Variants in LRRC37A2 observed in about 807,000 individuals in gnomAD.
LRRC37A2 encodes leucine-rich repeat-containing protein 37A2.
A neutral mutation model predicts 68.8 loss-of-function variants in LRRC37A2; 9 were observed. The ratio of observed to expected loss-of-function variants is 0.13; its 90% CI spans 0.08 to 0.23. The LOEUF (loss-of-function observed/expected upper bound fraction) is 0.23, where lower values mean the gene tolerates loss of function less well. Among genes scored for constraint, LRRC37A2 ranks in the 10% least tolerant of loss-of-function variants. LRRC37A2 has a pLI of 1.00. For missense variants in LRRC37A2, 168 were observed against 950.4 expected, an observed-to-expected ratio of 0.18 and a Z score of 10.82; for synonymous variants, 63 against 367.6, an observed-to-expected ratio of 0.17 and a Z score of 9.48.
chr17:46,917,724 G>T, the LRRC37A2 span, among the ~76,000 whole-genome samples: 1 of 152,184 alleles, frequency 6.6e-6, no homozygotes. Flanking sequence ...GCCCTAGTGG[G>T]GACTCTCTGC....
At chr17:46,818,909 C>A in the LRRC37A2 span, 1 of 451,858 alleles carries the variant, frequency 2.2e-6, no homozygotes, top group Non-Finnish European at 4.0e-6. Context: ...CAAACTTGGG[C>A]AAAGCCCGCG....
chr17:46,709,684 G>T, the LRRC37A2 span, among the ~76,000 whole-genome samples: 54 of 151,986 alleles, frequency 3.6e-4, no homozygotes, highest in East Asian at 0.01. Context: ...TAGTATAGAT[G>T]GGGTTTCACC....
the LRRC37A2 span, among the ~76,000 whole-genome samples, chr17:46,977,828 G>T: frequency 3.3e-5 from 5 of 152,156 alleles, no homozygotes; most frequent in Non-Finnish European, 5.9e-5. Context: ...AATTTTCCTT[G>T]TTCACATTTT....
the LRRC37A2 span, among the ~76,000 whole-genome samples, chr17:46,876,053 G>A: frequency 1.9e-4 from 29 of 152,300 alleles, no homozygotes; most frequent in East Asian, 5.6e-3. Context: ...GTGTGAACTG[G>A]GACTGCTGTG....
chr17:46,956,277 CTTTTTTTTTTT>C, the LRRC37A2 span, among the ~76,000 whole-genome samples: 253 of 62,654 alleles, frequency 4.0e-3, 3 homozygotes, highest in African/African-American at 0.015. Context: ...CTTGCCAGTC[CTTTTTTTTTTT>C]TTTTTTTTTT....
chr17:46,925,439 G>A, the LRRC37A2 span, among the ~76,000 whole-genome samples: 1 of 152,206 alleles, frequency 6.6e-6, no homozygotes, highest in Non-Finnish European at 1.5e-5. Context: ...CTTCTTTTAT[G>A]CTGCAGTATC....
At chr17:46,569,411 C>A in the LRRC37A2 span, among the ~76,000 whole-genome samples, 2 of 150,536 alleles carry the variant, frequency 1.3e-5, no homozygotes, top group Non-Finnish European at 2.9e-5. Context: ...GAATAAAAGG[C>A]ATCATGTCTG....
At chr17:46,539,768 CAAAAAA>C (rs1204528686) in intron 6 of LRRC37A2, among the ~76,000 whole-genome samples, 11 of 67,028 alleles carry the variant, frequency 1.6e-4, no homozygotes, top group East Asian at 3.6e-4. Context: ...GACTCCATCT[CAAAAAA>C]AAAAAAAAAA....
the LRRC37A2 span, chr17:46,710,956 T>G: frequency 1.2e-5 from 19 of 1,580,528 alleles, no homozygotes; most frequent in East Asian, 3.9e-4. Flanking sequence ...CTCCTTTTTC[T>G]TAATAGGCCT....
At chr17:46,984,700 G>T in the LRRC37A2 span, among the ~76,000 whole-genome samples, 1 of 152,288 alleles carries the variant, frequency 6.6e-6, no homozygotes. Context: ...GTTAATAAAA[G>T]CTCCTAATTA....
chr17:46,959,545 T>TG, the LRRC37A2 span, among the ~76,000 whole-genome samples: 1 of 151,650 alleles, frequency 6.6e-6, no homozygotes, highest in African/African-American at 2.4e-5. Context: ...CCCAGGTTTT[T>TG]GGGAAAAAAA....
the LRRC37A2 span, among the ~76,000 whole-genome samples, chr17:46,831,179 C>T: frequency 6.6e-6 from 1 of 152,190 alleles, no homozygotes; most frequent in Non-Finnish European, 1.5e-5. Context: ...TGAGGGCTTG[C>T]AGTCAGGGTG....
the LRRC37A2 span, among the ~76,000 whole-genome samples, chr17:46,771,760 CCCGCGCCGCGCCGCG>C: frequency 2.1e-4 from 29 of 137,374 alleles, no homozygotes; most frequent in South Asian, 1.8e-3. Flanking sequence ...GCCCCCCGCC[CCCGCGCCGCGCCGCG>C]CCGCGCCGCG....
the LRRC37A2 span, among the ~76,000 whole-genome samples, chr17:46,790,699 C>T: frequency 1.3e-5 from 2 of 152,302 alleles, no homozygotes; most frequent in South Asian, 2.1e-4. Context: ...TCTCCTTGGC[C>T]TCTCAGCAAA....
chr17:46,874,429 C>T, the LRRC37A2 span, among the ~76,000 whole-genome samples: 1 of 152,160 alleles, frequency 6.6e-6, no homozygotes, highest in Non-Finnish European at 1.5e-5. Flanking sequence ...CCCAACTGTG[C>T]CTACGCCAGG....
chr17:46,962,430 A>G, the LRRC37A2 span, among the ~76,000 whole-genome samples: 1 of 152,126 alleles, frequency 6.6e-6, no homozygotes, highest in Non-Finnish European at 1.5e-5. Context: ...GTCTCCTCAC[A>G]CATCAAATCT....
At chr17:46,636,134 AATATG>A in the LRRC37A2 span, among the ~76,000 whole-genome samples, 1 of 22,748 alleles carries the variant, frequency 4.4e-5, no homozygotes, top group East Asian at 4.1e-4. Flanking sequence ...TTTTTCTAAA[AATATG>A]ATATGTAAAC....
the LRRC37A2 span, among the ~76,000 whole-genome samples, chr17:46,993,256 A>C: frequency 2.0e-5 from 3 of 152,258 alleles, no homozygotes; most frequent in Non-Finnish European, 2.9e-5. Context: ...TCATGTGTGC[A>C]GCATGCCTTC....
chr17:47,018,579 C>T, the LRRC37A2 span: 3 of 1,520,318 alleles, frequency 2.0e-6, no homozygotes, highest in Non-Finnish European at 2.7e-6. Context: ...ACATCTGCTT[C>T]CAGAGTCATC....
Sources: gnomAD v4.1 joint callset for allele counts (sites outside exome capture counted in the v4.1 genomes callset) on GRCh38, gnomAD v4.1.1 for gene constraint, MANE v1.5 for transcripts, NCBI Gene and HGNC (gene_info 2026-07-23, HGNC 2026-07-21) for gene names.